The following ATG7 variants were observed in gnomAD, a reference collection of about 807,000 sequenced individuals.
ATG7 encodes the protein ubiquitin-like modifier-activating enzyme ATG7.
A neutral mutation model predicts 82.4 loss-of-function variants in ATG7; 70 were observed. That is an observed-to-expected ratio of 0.85 (90% CI 0.70 to 1.04). The LOEUF is 1.04. ATG7 is among the 50% of genes least tolerant of loss of function. The pLI, the probability that ATG7 is intolerant of heterozygous loss-of-function variation, is 0.00. For missense variants in ATG7, 792 were observed against 864.3 expected (o/e 0.92, Z 1.05); for synonymous variants, 287 against 313.0 (o/e 0.92, Z 0.88).
Position 11,556,122 on chromosome 3 carries a change from A to AGAT in ATG7, c.*1281_*1283dup, listed in dbSNP as rs1036799104. 2 of 152,792 alleles carry AGAT rather than the reference A, an allele frequency of 1.3e-5. No individual in the cohort carries two copies. Among genetic ancestry groups the AGAT allele is most frequent in the Admixed American group, 6.5e-5 (1 of 15,288 alleles). 9.5% of individuals were successfully genotyped at this position (152,792 alleles called of 1,614,324 possible). Reference sequence around the variant, plus strand: ...TAAGGCTACTTTTAAGTACAAAAAAAGATGGCCTGCCAAACCTTTTTTTTT... The same window carrying AGAT: ...TAAGGCTACTTTTAAGTACAAAAAAAGATGATGGCCTGCCAAACCTTTTTTTTT... On this transcript the variant is annotated 3_prime_UTR_variant, in exon 21 of 21. Transcript: ENST00000693202.
chr3:11,488,898 C>G (rs2090054683), intron 20 of ATG7, among the ~76,000 whole-genome samples: 1 of 152,146 alleles, frequency 6.6e-6, no homozygotes, highest in Admixed American at 6.5e-5. Context: ...GCTTTGGTAT[C>G]AGGATGATGC....
rs952789394 is a variant in ATG7, at chr3:11,372,464, T to A, written c.1876-7508T>A. 2.3e-4 allele frequency among the ~76,000 whole-genome samples: 34 copies of A among 150,886 alleles called. 2 individuals are homozygous for A. The highest frequency in any genetic ancestry group is 3.8e-4 in the Non-Finnish European group (26 of 67,780). On this transcript the variant is annotated intron_variant, in intron 18 of 20. Coordinates refer to ENST00000693202, the MANE Select transcript of ATG7 (RefSeq NM_001349232.2). ...ATAAGCCTTTTTTAAAATCACCTTTTTCAAGACATAACTGATATATAGTAA... is the reference window on the plus strand; with the variant it reads ...ATAAGCCTTTTTTAAAATCACCTTTATCAAGACATAACTGATATATAGTAA...
At chr3:11,379,805 ATTACG>A (rs1283679987) in intron 18 of ATG7, among the ~76,000 whole-genome samples, 162 bp from the exon 19 acceptor site, 2 of 152,212 alleles carry the variant, frequency 1.3e-5, no homozygotes, top group Non-Finnish European at 2.9e-5. Flanking sequence ...CTGCAAACTG[ATTACG>A]TTACAAGGGA....
At chr3:11,474,590 C>A (rs534970364) in intron 20 of ATG7, among the ~76,000 whole-genome samples, 2 of 152,234 alleles carry the variant, frequency 1.3e-5, no homozygotes, top group East Asian at 3.9e-4. Flanking sequence ...ACAGAGTAAG[C>A]CCCTATCTCC....
At position 11,426,642 on chromosome 3, in the gene ATG7, A is replaced by T. The variant is rs143796439; in HGVS notation, c.1957-162A>T. ...TCTAAGAAGGGAAAAGATGATAAAT[A>T]CTAAGCCGTACTAGTTTTTTGGCCA... On this transcript the variant is annotated intron_variant, in intron 19 of 20. Coordinates refer to ENST00000693202, the MANE Select transcript of ATG7 (RefSeq NM_001349232.2). Among the ~76,000 whole-genome samples the T allele has an allele frequency of 7.9e-5, 12 of 152,346 alleles. No homozygotes were observed. In the East Asian group the frequency reaches 2.3e-3, roughly 29 times the overall value.
At chr3:11,536,522 C>T (rs1026962864) in intron 20 of ATG7, among the ~76,000 whole-genome samples, 4 of 152,204 alleles carry the variant, frequency 2.6e-5, no homozygotes, top group African/African-American at 9.6e-5. Context: ...GAAGCCAAAA[C>T]TTCTGTTTCC....
chr3:11,538,694 AAAAAAAAAAAAAT>A (rs2070546113), intron 20 of ATG7, among the ~76,000 whole-genome samples: 1 of 141,976 alleles, frequency 7.0e-6, no homozygotes, highest in African/African-American at 2.7e-5. Flanking sequence ...AAAAAAAAAA[AAAAAAAAAAAAAT>A]TAGCCAAAAA....
intron 20 of ATG7, among the ~76,000 whole-genome samples, chr3:11,430,241 A>G (rs1576358655): frequency 6.6e-6 from 1 of 152,206 alleles, no homozygotes; most frequent in African/African-American, 2.4e-5. Flanking sequence ...CCTAGCAACA[A>G]AAATTACTGT....
At chr3:11,319,117 G>GA (rs1949860561) in intron 9 of ATG7, among the ~76,000 whole-genome samples, 1 of 152,228 alleles carries the variant, frequency 6.6e-6, no homozygotes, top group African/African-American at 2.4e-5. Context: ...AGGAAAGAGA[G>GA]AGAATTGTGG....
intron 20 of ATG7, among the ~76,000 whole-genome samples, chr3:11,484,386 G>C (rs1028594028): frequency 6.6e-6 from 1 of 151,854 alleles, no homozygotes; most frequent in Non-Finnish European, 1.5e-5. Context: ...AGGAGACTCC[G>C]TCTCAAAAAA....
At chr3:11,300,276 C>G (rs1946586436) in intron 5 of ATG7, among the ~76,000 whole-genome samples, 1 of 152,088 alleles carries the variant, frequency 6.6e-6, no homozygotes, top group Admixed American at 6.6e-5. Flanking sequence ...TCATAAACAT[C>G]TGTTCTTTGA....
At chr3:11,519,459 C>T (rs527817049) in intron 20 of ATG7, among the ~76,000 whole-genome samples, 27 of 138,604 alleles carry the variant, frequency 1.9e-4, no homozygotes, top group African/African-American at 6.0e-4. Context: ...TTTCTCAGTG[C>T]GGAGGGGTAA....
At chr3:11,353,659 C>A (rs1350194166) in intron 14 of ATG7, among the ~76,000 whole-genome samples, 1 of 152,026 alleles carries the variant, frequency 6.6e-6, no homozygotes, top group Non-Finnish European at 1.5e-5. Flanking sequence ...CCTCTTAGTT[C>A]ACGTGAGCGA....
chr3:11,457,331 G>C (rs551218114), intron 20 of ATG7, among the ~76,000 whole-genome samples: 52 of 152,200 alleles, frequency 3.4e-4, no homozygotes, highest in African/African-American at 1.2e-3. Flanking sequence ...TGAACTGAGT[G>C]GTGTGGCAAC....
rs938013478 is a variant in ATG7 at position 11,338,132 on chromosome 3, C to A, written c.890-2513C>A. ...CCCACCCTTCACCCTCAAGTAGGCC[C>A]CAGTGTCTGCTGTTCCCCTTTGTGT... On this transcript the variant is annotated intron_variant, in intron 11 of 20. Coordinates refer to ENST00000693202, the MANE Select transcript of ATG7 (RefSeq NM_001349232.2). Among the ~76,000 whole-genome samples the A allele has an allele frequency of 7.9e-5, 12 of 152,224 alleles. No homozygotes were observed. The South Asian group carries it at 1.5e-3, about 18-fold the overall frequency.
At chr3:11,566,709 C>T in the ATG7 span, among the ~76,000 whole-genome samples, 187 of 152,302 alleles carry the variant, frequency 1.2e-3, 1 homozygote, top group African/African-American at 4.3e-3. Flanking sequence ...CTGCCAACCA[C>T]AGCTGCAGTG....
chr3:11,510,572 G>A (rs1020369851), intron 20 of ATG7, among the ~76,000 whole-genome samples: 1 of 151,398 alleles, frequency 6.6e-6, no homozygotes, highest in Non-Finnish European at 1.5e-5. Flanking sequence ...TGTGCAACTC[G>A]CCGCCCACAT....
At chr3:11,286,860 C>A (rs1385339664) in intron 3 of ATG7, among the ~76,000 whole-genome samples, 2 of 151,842 alleles carry the variant, frequency 1.3e-5, no homozygotes, top group Non-Finnish European at 2.9e-5. Flanking sequence ...CCGCCTCAGA[C>A]CCCCAAAGTG....
chr3:11,339,314 G>T (rs144094273), intron 11 of ATG7, among the ~76,000 whole-genome samples: 4 of 30,396 alleles, frequency 1.3e-4, no homozygotes, highest in African/African-American at 2.5e-4. Flanking sequence ...AAAAAAAAAA[G>T]AAAAGAAAAG....
Sources: gnomAD v4.1 joint callset for allele counts (sites outside exome capture counted in the v4.1 genomes callset) on GRCh38, gnomAD v4.1.1 for gene constraint, MANE v1.5 for transcripts, NCBI Gene and HGNC (gene_info 2026-07-23, HGNC 2026-07-21) for gene names.